The following UGT1A1 variants were observed in gnomAD, a reference collection of about 807,000 sequenced individuals.
The protein encoded by UGT1A1 is UDP-glucuronosyltransferase 1A1.
In UGT1A1, 33 loss-of-function variants were observed where a neutral mutation model predicts 40.6. The ratio of observed to expected loss-of-function variants is 0.81; its 90% CI spans 0.62 to 1.09. The LOEUF (loss-of-function observed/expected upper bound fraction) is 1.09, where lower values mean the gene tolerates loss of function less well. Among genes scored for constraint, UGT1A1 ranks in the 50% least tolerant of loss-of-function variants. UGT1A1 has a pLI of 0.00. For missense variants in UGT1A1, 694 were observed against 671.2 expected (o/e 1.03, Z -0.38); for synonymous variants, 249 against 265.0 (o/e 0.94, Z 0.59).
chr2:233,769,855 C>T lies in UGT1A1; in HGVS notation c.1304+1416C>T. The T allele has an allele frequency of 2.7e-6, 1 of 372,078 alleles. No individual in the cohort carries two copies. The highest frequency in any genetic ancestry group is 4.4e-6 in the Non-Finnish European group (1 of 226,694). The allele number at this position is 372,078 out of a possible 1,614,324, so 23.0% of individuals were successfully genotyped here. On this transcript the variant is annotated intron_variant, in intron 4 of 4. Coordinates refer to ENST00000305208, the MANE Select transcript of UGT1A1 (RefSeq NM_000463.3). The surrounding 1 kb of genome is among the most constrained non-coding windows in gnomAD (Gnocchi z 4.4). ...CCTGGGCAACAGAGTGAGACCCTGT[C>T]TCAAAAAAAAAAAAAAAAATGAAAA...
chr2:233,772,858 A>G lies in UGT1A1; in HGVS notation c.*299A>G, dbSNP rs966644080. The G allele has an allele frequency of 2.8e-5, 20 of 719,678 alleles. No homozygotes were observed. The Admixed American group carries it at 5.6e-4, about 20-fold the overall frequency. 44.6% of individuals were successfully genotyped at this position (719,678 alleles called of 1,614,324 possible). ...TAGATTACTTTTCTTACTCTGAAAC[A>G]TGGCCTGTTTGGGAGTGCGGGATTC... On this transcript the variant is annotated 3_prime_UTR_variant, in exon 5 of 5. Coordinates refer to ENST00000305208, the MANE Select transcript of UGT1A1 (RefSeq NM_000463.3).
intron 4 of UGT1A1, chr2:233,771,323 A>G (rs112105474): frequency 2.6e-5 from 4 of 151,390 alleles, no homozygotes; most frequent in Admixed American, 6.6e-5. Flanking sequence ...CTCCTCTTCA[A>G]TCTCCTCTTC....
In UGT1A1 at chr2:233,760,942, C is replaced by T; in HGVS notation, c.655C>T (p.Gln219Ter). The change falls in exon 1 of 5, where the codon CAG (glutamine) becomes TAG (stop). Residue 219 changes from glutamine (Q) to a stop codon, truncating the protein, a stop_gained. Transcript: ENST00000305208. LOFTEE classifies it high-confidence loss of function. ...RVKNMLIAFSQNFLCDVVYSP... is the reference protein window; with the variant it reads ...RVKNMLIAFS ...GAAGAACATGCTCATTGCCTTTTCA[C>T]AGAACTTTCTGTGCGACGTGGTTTA... The T allele has an allele frequency of 6.2e-7, 1 of 1,614,210 alleles. No homozygotes were observed.
At chr2:233,767,271 T>G in intron 2 of UGT1A1, 106 bp downstream of exon 2, 1 of 1,583,574 alleles carries the variant, frequency 6.3e-7, no homozygotes, top group East Asian at 2.2e-5. Context: ...TAGATTTGGC[T>G]TTTCCCTGCC....
chr2:233,767,710 G>A, intron 2 of UGT1A1, 139 bp from the exon 3 acceptor site: 1 of 1,527,870 alleles, frequency 6.5e-7, no homozygotes, highest in Non-Finnish European at 8.8e-7. Context: ...GTCCTCAGAA[G>A]CCTTCACAGT....
chr2:233,762,151 A>G (rs1420565083), intron 1 of UGT1A1, among the ~76,000 whole-genome samples: 1 of 152,124 alleles, frequency 6.6e-6, no homozygotes, highest in Non-Finnish European at 1.5e-5. Context: ...CTTTGCATTA[A>G]TCACATCCAC....
Position 233,769,801 on chromosome 2 carries a change from G to A in UGT1A1, c.1304+1362G>A, listed in dbSNP as rs1699941339. 2 of 1,172,742 alleles carry A rather than the reference G, an allele frequency of 1.7e-6. No individual in the cohort carries two copies. The highest frequency in any genetic ancestry group is 1.6e-5 in the African/African-American group (1 of 64,090). 72.6% of individuals were successfully genotyped at this position (1,172,742 alleles called of 1,614,324 possible). ...GCCCAGAAGTTGGAGGCTGCTATGA[G>A]CCGTGATCATGCCACTGCACTCCAG... On this transcript the variant is annotated intron_variant, in intron 4 of 4. Coordinates refer to ENST00000305208, the MANE Select transcript of UGT1A1 (RefSeq NM_000463.3). This position sits in a 1 kb window ranked among gnomAD's most constrained non-coding sequence, Gnocchi z 4.4.
At chr2:233,767,202 T>G in intron 2 of UGT1A1, 37 bp downstream of exon 2, 15 of 1,613,508 alleles carry the variant, frequency 9.3e-6, no homozygotes, top group Non-Finnish European at 1.3e-5. Flanking sequence ...ATATCTATTT[T>G]CACAGGAGCG....
At chr2:233,766,637 C>G (rs1389389579) in intron 1 of UGT1A1, among the ~76,000 whole-genome samples, 2 of 152,186 alleles carry the variant, frequency 1.3e-5, no homozygotes, top group African/African-American at 4.8e-5. Flanking sequence ...TTCCCTACTT[C>G]CATATCATTT....
intron 3 of UGT1A1, 130 bp from the exon 4 acceptor site, chr2:233,768,090 T>A (rs887845025): frequency 1.1e-5 from 18 of 1,591,432 alleles, no homozygotes; most frequent in Non-Finnish European, 1.5e-5. Flanking sequence ...CAACCCACAT[T>A]TTCTTCTGCA....
chr2:233,763,825 C>A (rs564952155), intron 1 of UGT1A1, among the ~76,000 whole-genome samples: 1 of 152,266 alleles, frequency 6.6e-6, no homozygotes, highest in South Asian at 2.1e-4. Context: ...GATGTTCCTC[C>A]CCTGCCAGGG....
intron 1 of UGT1A1, among the ~76,000 whole-genome samples, chr2:233,764,685 G>C (rs1320206547): frequency 6.6e-6 from 1 of 152,148 alleles, no homozygotes; most frequent in Non-Finnish European, 1.5e-5. Context: ...AGAACTTGAA[G>C]AGCACTTGGA....
intron 2 of UGT1A1, 46 bp downstream of exon 2, chr2:233,767,211 C>T (rs780479302): frequency 1.9e-5 from 30 of 1,612,468 alleles, no homozygotes; most frequent in South Asian, 1.5e-4. Flanking sequence ...TTCACAGGAG[C>T]GCTAATCCCA....
intron 1 of UGT1A1, among the ~76,000 whole-genome samples, chr2:233,765,077 C>T (rs1698745230): frequency 6.6e-6 from 1 of 152,130 alleles, no homozygotes; most frequent in South Asian, 2.1e-4. Context: ...TCCTGTGTCT[C>T]ACATCTAGGG....
intron 1 of UGT1A1, among the ~76,000 whole-genome samples, chr2:233,765,401 A>G (rs1024843153): frequency 3.9e-5 from 6 of 152,246 alleles, no homozygotes; most frequent in African/African-American, 1.4e-4. Flanking sequence ...TGTGGTACAT[A>G]TACACCATGG....
At position 233,772,651 on chromosome 2, in the gene UGT1A1, T is replaced by C. The variant is rs1700540535; in HGVS notation, c.*92T>C. 1.3e-6 allele frequency: 2 copies of C among 1,547,716 alleles called. No individual in the cohort carries two copies. Among genetic ancestry groups the C allele is most frequent in the Non-Finnish European group, 1.7e-6 (2 of 1,146,578 alleles). ...ATCAGTGTTAAATTCATTTTATTCT[T>C]ATTAAGGAAATACTTTGCATAAATT... On this transcript the variant is annotated 3_prime_UTR_variant, in exon 5 of 5. Transcript: ENST00000305208.
In UGT1A1 at chr2:233,768,557, A is replaced by G. The variant is rs28946891; in HGVS notation, c.1304+118A>G. 5 of 1,466,482 alleles carry G rather than the reference A, an allele frequency of 3.4e-6. No individual in the cohort carries two copies. The African/African-American group carries it at 7.2e-5, about 21-fold the overall frequency. 90.8% of individuals were successfully genotyped at this position (1,466,482 alleles called of 1,614,324 possible). On this transcript the variant is annotated intron_variant, in intron 4 of 4. Coordinates refer to ENST00000305208, the MANE Select transcript of UGT1A1 (RefSeq NM_000463.3). ...TTGTTTCAAATATAAAAACAAATAC[A>G]TAAAAATCTGGATTTTTATTTCTTC... is the stretch of plus-strand genomic sequence containing the variant.
At chr2:233,771,047 T>C (rs1700228624) in intron 4 of UGT1A1, 1 of 152,132 alleles carries the variant, frequency 6.6e-6, no homozygotes, top group South Asian at 2.1e-4. Flanking sequence ...TGCCACACAC[T>C]TTTTAATGAC....
At chr2:233,772,116 AAAC>A (rs1252124628) in intron 4 of UGT1A1, 143 bp from the exon 5 acceptor site, 49 of 1,530,818 alleles carry the variant, frequency 3.2e-5, no homozygotes, top group Middle Eastern at 2.3e-4. Context: ...CTGTATCTAA[AAAC>A]AACAACAACA....
Sources: gnomAD v4.1 joint callset for allele counts (sites outside exome capture counted in the v4.1 genomes callset) on GRCh38, gnomAD v4.1.1 for gene constraint, Gnocchi (gnomAD v3.1) non-coding constraint, MANE v1.5 for transcripts, NCBI Gene and HGNC (gene_info 2026-07-23, HGNC 2026-07-21) for gene names.